The following TJP1 variants were observed in gnomAD, a reference collection of about 807,000 sequenced individuals.
The protein encoded by TJP1 is tight junction protein ZO-1.
In TJP1, 43 loss-of-function variants were observed where a neutral mutation model predicts 194.2. That is an observed-to-expected ratio of 0.22 (90% CI 0.17 to 0.29). The LOEUF (loss-of-function observed/expected upper bound fraction) is 0.29, where lower values mean the gene tolerates loss of function less well. TJP1 is among the 10% of genes least tolerant of loss of function. The pLI is 1.00. For synonymous variants in TJP1, 801 were observed against 779.0 expected, an observed-to-expected ratio of 1.03 and a Z score of -0.47; for missense variants, 1,971 against 2,185.7, an observed-to-expected ratio of 0.90 and a Z score of 1.96.
intron 2 of TJP1, among the ~76,000 whole-genome samples, chr15:29,906,682 C>T (rs575823070): frequency 7.3e-5 from 11 of 151,712 alleles, no homozygotes; most frequent in Non-Finnish European, 1.0e-4. Flanking sequence ...TGGGTTCAAG[C>T]GATTTTCGTG....
intron 2 of TJP1, among the ~76,000 whole-genome samples, chr15:29,849,418 C>T (rs1182344207): frequency 6.9e-6 from 1 of 145,652 alleles, no homozygotes; most frequent in Non-Finnish European, 1.5e-5. Flanking sequence ...TGACTCACTT[C>T]TTTTTAAAAA....
chr15:29,765,193 A>C (rs1355546000), intron 5 of TJP1, among the ~76,000 whole-genome samples: 1 of 152,168 alleles, frequency 6.6e-6, no homozygotes, highest in Non-Finnish European at 1.5e-5. Flanking sequence ...ATTTAGTGTG[A>C]ACATTTTTGG....
intron 1 of TJP1, chr15:29,821,476 G>A (rs573724339): frequency 6.6e-6 from 1 of 152,214 alleles, no homozygotes; most frequent in Non-Finnish European, 1.5e-5. Context: ...AGGCTGAGTG[G>A]AGTGTTTTGC....
chr15:29,754,245 ATTACCC>A, intron 8 of TJP1, among the ~76,000 whole-genome samples: 1 of 152,346 alleles, frequency 6.6e-6, no homozygotes. Flanking sequence ...GCTGGAGGCC[ATTACCC>A]TTAGCAAACG....
rs1183078974 is a variant in TJP1 at position 29,710,891 on chromosome 15, G to A, written c.4312C>T (p.Pro1438Ser). The change falls in exon 24 of 28, where the codon CCA becomes TCA. Residue 1438 changes from proline (P) to serine (S), a missense_variant. Transcript: ENST00000614355. The stretch of plus-strand genomic sequence containing the variant: ...GACGCGCTGGTGACAGGCTGAGATG[G>A]CTGGGCATACTGCGAGGGCAATGGA... ...PPPLPSQYAQPSQPVTSASLH... is the reference protein window; with the variant it reads ...PPPLPSQYAQSSQPVTSASLH... The A allele has an allele frequency of 1.9e-6, 3 of 1,614,002 alleles. No individual in the cohort carries two copies. The highest frequency in any genetic ancestry group is 1.7e-5 in the Admixed American group (1 of 60,002).
chr15:29,772,019 T>A, intron 4 of TJP1, 45 bp downstream of exon 4: 1 of 1,223,190 alleles, frequency 8.2e-7, no homozygotes, highest in Non-Finnish European at 1.2e-6. Flanking sequence ...GTATCAACAA[T>A]AAAGTTGGGG....
exon 1 of TJP1, chr15:29,968,902 G>A (rs574163749): frequency 1.0e-3 from 278 of 270,326 alleles, no homozygotes; most frequent in African/African-American, 6.2e-3. Flanking sequence ...CGCCGCACCC[G>A]CAGCTGCGGC....
chr15:29,736,038 G>T (rs1215448536), intron 11 of TJP1, among the ~76,000 whole-genome samples: 1 of 151,838 alleles, frequency 6.6e-6, no homozygotes, highest in Non-Finnish European at 1.5e-5. Flanking sequence ...GGCAGGAAAA[G>T]AATAAAAAAA....
At chr15:29,905,238 C>T (rs1248884809) in intron 2 of TJP1, among the ~76,000 whole-genome samples, 1 of 152,148 alleles carries the variant, frequency 6.6e-6, no homozygotes, top group African/African-American at 2.4e-5. Flanking sequence ...CAATGCTTGC[C>T]ACAATTGCAA....
intron 2 of TJP1, among the ~76,000 whole-genome samples, chr15:29,783,246 C>A (rs142561097): frequency 2.0e-5 from 3 of 152,062 alleles, no homozygotes; most frequent in African/African-American, 7.2e-5. Flanking sequence ...TGCACTCCAG[C>A]CTGGGCAAAA....
intron 2 of TJP1, among the ~76,000 whole-genome samples, chr15:29,880,321 G>A (rs1322604142): frequency 2.6e-5 from 4 of 152,074 alleles, no homozygotes; most frequent in Non-Finnish European, 4.4e-5. Flanking sequence ...AGAACTGCAC[G>A]TATTTAGTGT....
intron 2 of TJP1, among the ~76,000 whole-genome samples, chr15:29,949,797 CCACAACCA>C (rs1443285608): frequency 3.9e-5 from 4 of 101,812 alleles, no homozygotes; most frequent in Non-Finnish European, 6.2e-5. Flanking sequence ...ACCACCTCCA[CCACAACCA>C]TCTTCACCAC....
At position 29,718,698 on chromosome 15, in the gene TJP1, C is replaced by T. The variant is rs754213441; in HGVS notation, c.3444G>A (p.Gln1148=). Residue 1148 remains glutamine, a synonymous_variant, in exon 21 of 28, where the codon CAG becomes CAA. Coordinates refer to ENST00000614355, the MANE Select transcript of TJP1 (RefSeq NM_001330239.4). ...GCCGCAGGGCGGATGCTCTAGGTGC[C>T]TGTTCGTAACGTGGTCTGCTGTCGT... ...LSYDSRPRYE[Q]APRASALRHE... is the part of the protein sequence containing the mutation. 2 of 1,614,168 alleles carry T rather than the reference C, an allele frequency of 1.2e-6. No individual in the cohort carries two copies. Among genetic ancestry groups the T allele is most frequent in the South Asian group, 2.2e-5 (2 of 91,084 alleles).
chr15:29,949,271 TCCATCACCTCCACCG>T (rs1369125726), intron 2 of TJP1, among the ~76,000 whole-genome samples: 37 of 50,896 alleles, frequency 7.3e-4, no homozygotes, highest in East Asian at 4.6e-3. Flanking sequence ...CACCACCACC[TCCATCACCTCCACCG>T]CCATCACCTC....
At chr15:29,811,793 C>T (rs1235517817) in intron 1 of TJP1, among the ~76,000 whole-genome samples, 1 of 152,102 alleles carries the variant, frequency 6.6e-6, no homozygotes, top group East Asian at 1.9e-4. Flanking sequence ...ATGAATCCTC[C>T]TTCTGAAACC....
intron 2 of TJP1, among the ~76,000 whole-genome samples, chr15:29,877,843 A>C (rs1447250378): frequency 6.6e-6 from 1 of 150,420 alleles, no homozygotes; most frequent in African/African-American, 2.4e-5. Context: ...AATTTTTTGT[A>C]TTTTTAGTAG....
At chr15:29,755,888 G>T (rs1010501454) in intron 8 of TJP1, among the ~76,000 whole-genome samples, 4 of 151,924 alleles carry the variant, frequency 2.6e-5, no homozygotes, top group Admixed American at 2.6e-4. Flanking sequence ...TACTGTAATA[G>T]AATTTTTTCA....
chr15:29,736,888 C>T (rs1042345428), intron 11 of TJP1, among the ~76,000 whole-genome samples: 1 of 152,216 alleles, frequency 6.6e-6, no homozygotes, highest in Non-Finnish European at 1.5e-5. Flanking sequence ...ATGTTGCTTG[C>T]TGCCAAGTTG....
chr15:29,839,156 G>A (rs1169235881), intron 2 of TJP1, among the ~76,000 whole-genome samples: 2 of 151,662 alleles, frequency 1.3e-5, no homozygotes, highest in African/African-American at 4.8e-5. Flanking sequence ...CCACCACCAT[G>A]CCCGGCTAAT....
Sources: gnomAD v4.1 joint callset for allele counts (sites outside exome capture counted in the v4.1 genomes callset) on GRCh38, gnomAD v4.1.1 for gene constraint, MANE v1.5 for transcripts, NCBI Gene and HGNC (gene_info 2026-07-23, HGNC 2026-07-21) for gene names.